The following RABGAP1L variants were observed in gnomAD, a reference collection of about 807,000 sequenced individuals.
RABGAP1L encodes rab GTPase-activating protein 1-like.
RABGAP1L carries 63 observed loss-of-function variants against 137.7 expected under a neutral mutation model. The observed-to-expected ratio is 0.46, with a 90% confidence interval of 0.37 to 0.56. The LOEUF is 0.56. RABGAP1L is among the 20% of genes least tolerant of loss of function. The pLI is 0.00. For synonymous variants in RABGAP1L, 431 were observed against 433.7 expected, an observed-to-expected ratio of 0.99 and a Z score of 0.08; for missense variants, 1,095 against 1,244.0, an observed-to-expected ratio of 0.88 and a Z score of 1.80.
intron 13 of RABGAP1L, among the ~76,000 whole-genome samples, chr1:174,575,225 T>C (rs1219063183): frequency 6.6e-6 from 1 of 152,186 alleles, no homozygotes; most frequent in African/African-American, 2.4e-5. Flanking sequence ...CCATCATGCC[T>C]GGCCTCTTTT....
chr1:174,833,914 G>T lies in RABGAP1L; in HGVS notation c.2340+21954G>T, dbSNP rs144699105. On this transcript the variant is annotated intron_variant, in intron 19 of 25. Transcript: ENST00000681986. ...AGAACTTTTCTGAGGAAGTGACATT[G>T]TAAGTTGAGGCCCTAACAGACCAAT... 7.2e-4 allele frequency among the ~76,000 whole-genome samples: 110 copies of T among 152,270 alleles called. 1 individual carries two copies. The highest frequency in any genetic ancestry group is 2.5e-3 in the African/African-American group (102 of 41,570).
chr1:174,246,315 T>A (rs1672255152), intron 5 of RABGAP1L: 1 of 152,212 alleles, frequency 6.6e-6, no homozygotes, highest in Non-Finnish European at 1.5e-5. Flanking sequence ...ATTGTATTAT[T>A]TATCAATAAA....
At chr1:174,652,213 T>C (rs2148394616) in intron 14 of RABGAP1L, among the ~76,000 whole-genome samples, 1 of 152,322 alleles carries the variant, frequency 6.6e-6, no homozygotes, top group South Asian at 2.1e-4. Flanking sequence ...CCACTGTTAG[T>C]CTGTTGGGCT....
intron 11 of RABGAP1L, among the ~76,000 whole-genome samples, chr1:174,352,251 T>C (rs931250899): frequency 6.6e-6 from 1 of 152,178 alleles, no homozygotes; most frequent in Admixed American, 6.5e-5. Context: ...TGCATTCTTT[T>C]TTATTCTTTT....
chr1:174,306,451 G>C (rs1056502531), intron 11 of RABGAP1L, among the ~76,000 whole-genome samples: 1 of 152,084 alleles, frequency 6.6e-6, no homozygotes, highest in African/African-American at 2.4e-5. Context: ...TTTAACGATC[G>C]CCATTCTAAC....
chr1:174,160,705 C>G (rs1664371777), intron 1 of RABGAP1L, among the ~76,000 whole-genome samples: 1 of 152,142 alleles, frequency 6.6e-6, no homozygotes, highest in Non-Finnish European at 1.5e-5. Context: ...ATTTAAATTT[C>G]CTCGTGCATA....
At chr1:174,547,332 T>G (rs922263005) in intron 13 of RABGAP1L, among the ~76,000 whole-genome samples, 13 of 151,978 alleles carry the variant, frequency 8.6e-5, no homozygotes, top group African/African-American at 2.7e-4. Flanking sequence ...AAAGAGCAAG[T>G]AAGCCTGGGT....
At chr1:174,162,701 G>A (rs950407373) in intron 1 of RABGAP1L, among the ~76,000 whole-genome samples, 5 of 145,090 alleles carry the variant, frequency 3.4e-5, no homozygotes, top group African/African-American at 7.6e-5. Flanking sequence ...TGGGTCAGCC[G>A]TTGAGTCTGA....
At chr1:174,718,909 G>A (rs1013377922) in intron 17 of RABGAP1L, among the ~76,000 whole-genome samples, 14 of 149,112 alleles carry the variant, frequency 9.4e-5, no homozygotes, top group Non-Finnish European at 1.3e-4. Flanking sequence ...GTGCCATCTC[G>A]GCTCACCACA....
chr1:174,636,060 A>G (rs1417912434), intron 13 of RABGAP1L, among the ~76,000 whole-genome samples: 1 of 152,218 alleles, frequency 6.6e-6, no homozygotes, highest in Non-Finnish European at 1.5e-5. Flanking sequence ...TATTTTCACC[A>G]TCAGTGTTGC....
At chr1:174,859,765 A>C (rs1241675001) in intron 19 of RABGAP1L, among the ~76,000 whole-genome samples, 1 of 152,024 alleles carries the variant, frequency 6.6e-6, no homozygotes, top group African/African-American at 2.4e-5. Flanking sequence ...GTGATGAAAT[A>C]ATCTGTACAA....
chr1:174,630,850 G>T (rs995315475), intron 13 of RABGAP1L, among the ~76,000 whole-genome samples: 7 of 140,368 alleles, frequency 5.0e-5, no homozygotes, highest in African/African-American at 8.1e-5. Context: ...CCAGCTCCTG[G>T]ATTCATTGAT....
chr1:174,596,922 A>C (rs1228451193), intron 13 of RABGAP1L, among the ~76,000 whole-genome samples: 1 of 152,134 alleles, frequency 6.6e-6, no homozygotes, highest in Admixed American at 6.5e-5. Context: ...AAATTTAATC[A>C]TGAAGAGATG....
At chr1:174,220,883 T>G in intron 2 of RABGAP1L, 89 bp from the exon 3 acceptor site, 1 of 1,156,808 alleles carries the variant, frequency 8.6e-7, no homozygotes, top group South Asian at 2.2e-5. Context: ...TAGATTGTTT[T>G]AATTTCTTCT....
At chr1:174,695,730 A>C (rs925152463) in intron 15 of RABGAP1L, among the ~76,000 whole-genome samples, 5 of 152,106 alleles carry the variant, frequency 3.3e-5, no homozygotes, top group African/African-American at 1.2e-4. Context: ...GTCTGAACTT[A>C]TTTTTACCCG....
chr1:174,184,928 G>A (rs1272961830), intron 1 of RABGAP1L, among the ~76,000 whole-genome samples: 6 of 152,166 alleles, frequency 3.9e-5, no homozygotes, highest in Non-Finnish European at 8.8e-5. Context: ...GTGTATGCTA[G>A]CGATGTCTAC....
chr1:174,261,305 C>T (rs1269396837), intron 7 of RABGAP1L, among the ~76,000 whole-genome samples: 9 of 152,122 alleles, frequency 5.9e-5, no homozygotes, highest in Admixed American at 4.6e-4. Flanking sequence ...ATTATATATA[C>T]ATTAGAAAAA....
chr1:174,191,805 A>C (rs1273060133), intron 1 of RABGAP1L, among the ~76,000 whole-genome samples: 1 of 152,162 alleles, frequency 6.6e-6, no homozygotes, highest in Non-Finnish European at 1.5e-5. Context: ...ACATTCCTGG[A>C]ATAATAGAGA....
intron 13 of RABGAP1L, among the ~76,000 whole-genome samples, chr1:174,444,280 A>G (rs988066975): frequency 3.3e-5 from 5 of 151,932 alleles, no homozygotes; most frequent in Non-Finnish European, 7.4e-5. Flanking sequence ...TCCTTTTAAC[A>G]ATATTAATTC....
Sources: gnomAD v4.1 joint callset for allele counts (sites outside exome capture counted in the v4.1 genomes callset) on GRCh38, gnomAD v4.1.1 for gene constraint, MANE v1.5 for transcripts, NCBI Gene and HGNC (gene_info 2026-07-23, HGNC 2026-07-21) for gene names.